The following TEKT5 variants were observed in gnomAD, a reference collection of about 807,000 sequenced individuals.
TEKT5 encodes the protein tektin-5.
A neutral mutation model predicts 48.7 loss-of-function variants in TEKT5; 52 were observed. The observed-to-expected ratio is 1.07, with a 90% confidence interval of 0.86 to 1.35. The LOEUF (loss-of-function observed/expected upper bound fraction) is 1.35. TEKT5 is among the 40% of genes most tolerant of loss of function. The pLI, the probability that TEKT5 is intolerant of heterozygous loss-of-function variation, is 0.00. For synonymous variants in TEKT5, 318 were observed against 267.6 expected, an observed-to-expected ratio of 1.19 and a Z score of -1.84; for missense variants, 831 against 641.6, an observed-to-expected ratio of 1.30 and a Z score of -3.19.
In TEKT5 at chr16:10,640,891, G is replaced by A. The variant is rs2541531; in HGVS notation, c.1087-4973C>T. Among the ~76,000 whole-genome samples, 1,034 of 152,222 alleles carry A rather than the reference G, an allele frequency of 6.8e-3. 12 individuals are homozygous for A. The highest frequency in any genetic ancestry group is 0.024 in the African/African-American group (999 of 41,508). On this transcript the variant is annotated intron_variant, in intron 5 of 6. Coordinates refer to ENST00000283025, the MANE Select transcript of TEKT5 (RefSeq NM_144674.2). Reference sequence around the variant, plus strand: ...CTAGCCACCTGTTCATGGACATGTGGGTTGTTTCCACTTTGGGGCTATTAC... The same window carrying A: ...CTAGCCACCTGTTCATGGACATGTGAGTTGTTTCCACTTTGGGGCTATTAC...
intron 5 of TEKT5, among the ~76,000 whole-genome samples, chr16:10,646,069 G>T (rs1352692900): frequency 6.6e-6 from 1 of 151,572 alleles, no homozygotes. Context: ...GGTCGAGGTC[G>T]CACTCAGCTA....
chr16:10,629,253 A>G (rs542484384), intron 6 of TEKT5, among the ~76,000 whole-genome samples: 4 of 144,772 alleles, frequency 2.8e-5, no homozygotes, highest in South Asian at 4.4e-4. Flanking sequence ...TTTTATCACA[A>G]TTTTTTTTTT....
chr16:10,642,097 TG>T (rs1451199091), intron 5 of TEKT5, among the ~76,000 whole-genome samples: 1 of 152,262 alleles, frequency 6.6e-6, no homozygotes. Flanking sequence ...GCCGTGCCCC[TG>T]GCCAAATCTC....
chr16:10,654,083 C>T, intron 5 of TEKT5, among the ~76,000 whole-genome samples: 1 of 152,040 alleles, frequency 6.6e-6, no homozygotes, highest in East Asian at 1.9e-4. Context: ...GAGGTTCTCA[C>T]ACTGTTGTCC....
At chr16:10,666,368 G>A (rs1359405830) in intron 5 of TEKT5, among the ~76,000 whole-genome samples, 2 of 152,070 alleles carry the variant, frequency 1.3e-5, no homozygotes, top group East Asian at 3.9e-4. Flanking sequence ...TTTAAAACAA[G>A]GTTTCTCAGC....
intron 5 of TEKT5, among the ~76,000 whole-genome samples, chr16:10,658,382 C>A (rs1274413201): frequency 6.6e-6 from 1 of 152,146 alleles, no homozygotes; most frequent in East Asian, 1.9e-4. Context: ...TGTGGAATAG[C>A]CCCACAATAG....
chr16:10,645,432 A>C (rs1043708592), intron 5 of TEKT5, among the ~76,000 whole-genome samples: 1 of 151,986 alleles, frequency 6.6e-6, no homozygotes, highest in African/African-American at 2.4e-5. Context: ...GGACTGCCTG[A>C]CCCCAGGAGG....
chr16:10,664,625 G>C (rs1898429019), intron 5 of TEKT5, among the ~76,000 whole-genome samples: 1 of 152,246 alleles, frequency 6.6e-6, no homozygotes, highest in African/African-American at 2.4e-5. Context: ...AGGCATCTGG[G>C]CAATTCCAAT....
intron 3 of TEKT5, among the ~76,000 whole-genome samples, chr16:10,687,729 G>A (rs188606690): frequency 5.4e-4 from 82 of 152,322 alleles, no homozygotes; most frequent in Non-Finnish European, 1.1e-3. Context: ...CTCCAGTCTG[G>A]GCAGCAGAAT....
rs1032605052 is a variant in TEKT5 at position 10,635,148 on chromosome 16, G to T, written c.1241+616C>A. Among the ~76,000 whole-genome samples the T allele has an allele frequency of 2.6e-5, 4 of 151,674 alleles. No individual in the cohort carries two copies. The East Asian group carries it at 7.8e-4, about 30-fold the overall frequency. The stretch of plus-strand genomic sequence containing the variant: ...ATATCTGATGACCTGTTCCTTCTTG[G>T]CCTGGCCATCATCCTATTACAATCC... On this transcript the variant is annotated intron_variant, in intron 6 of 6. Transcript: ENST00000283025.
intron 6 of TEKT5, among the ~76,000 whole-genome samples, chr16:10,632,191 T>C (rs1054547583): frequency 6.6e-6 from 1 of 152,240 alleles, no homozygotes; most frequent in African/African-American, 2.4e-5. Flanking sequence ...TGTGCTATGT[T>C]GTCTGATATG....
At chr16:10,640,007 TC>T (rs1897967878) in intron 5 of TEKT5, among the ~76,000 whole-genome samples, 1 of 102,232 alleles carries the variant, frequency 9.8e-6, no homozygotes, top group Admixed American at 1.0e-4. Flanking sequence ...CTCCTCTTCC[TC>T]CTCCTCAGTC....
At chr16:10,657,711 T>C (rs1348561127) in intron 5 of TEKT5, among the ~76,000 whole-genome samples, 1 of 151,154 alleles carries the variant, frequency 6.6e-6, no homozygotes, top group Non-Finnish European at 1.5e-5. Flanking sequence ...TGCCTCAGCC[T>C]CCTGAGTAGC....
intron 5 of TEKT5, among the ~76,000 whole-genome samples, chr16:10,661,406 C>A (rs1412768459): frequency 3.3e-5 from 5 of 152,194 alleles, no homozygotes; most frequent in Non-Finnish European, 2.9e-5. Flanking sequence ...CCAGGCCCCA[C>A]CCCAGATCTC....
chr16:10,651,895 G>C (rs1170314124), intron 5 of TEKT5, among the ~76,000 whole-genome samples: 2 of 152,208 alleles, frequency 1.3e-5, no homozygotes, highest in Admixed American at 6.5e-5. Flanking sequence ...CCGGGAGGCA[G>C]AGGTTGCAGT....
intron 5 of TEKT5, among the ~76,000 whole-genome samples, chr16:10,657,649 G>A (rs1898284849): frequency 6.6e-6 from 1 of 151,010 alleles, no homozygotes; most frequent in Admixed American, 6.6e-5. Flanking sequence ...GAGTGCAGTG[G>A]CGCAATCTCG....
chr16:10,662,335 G>A (rs367806689), intron 5 of TEKT5, among the ~76,000 whole-genome samples: 14 of 152,324 alleles, frequency 9.2e-5, no homozygotes, highest in Middle Eastern at 3.4e-3. Flanking sequence ...CATAAGGCTG[G>A]GTGGAGGTGG....
At chr16:10,629,936 C>CT (rs915649821) in intron 6 of TEKT5, among the ~76,000 whole-genome samples, 4 of 152,046 alleles carry the variant, frequency 2.6e-5, no homozygotes, top group African/African-American at 9.7e-5. Context: ...GAGGGGAGGA[C>CT]TTTTTTTCTT....
intron 5 of TEKT5, among the ~76,000 whole-genome samples, chr16:10,654,430 C>G (rs944839943): frequency 6.6e-6 from 1 of 152,142 alleles, no homozygotes; most frequent in African/African-American, 2.4e-5. Context: ...AGCCAGATAG[C>G]TGGTAAACCA....
Sources: gnomAD v4.1 joint callset for allele counts (sites outside exome capture counted in the v4.1 genomes callset) on GRCh38, gnomAD v4.1.1 for gene constraint, MANE v1.5 for transcripts, NCBI Gene and HGNC (gene_info 2026-07-23, HGNC 2026-07-21) for gene names.